The following VAT1L variants were observed in gnomAD, a reference collection of about 807,000 sequenced individuals.
VAT1L encodes vesicle amine transport 1 like.
In VAT1L, 34 loss-of-function variants were observed where a neutral mutation model predicts 44.1. The observed-to-expected ratio is 0.77, with a 90% confidence interval of 0.59 to 1.03. The LOEUF (loss-of-function observed/expected upper bound fraction) is 1.03, where lower values mean the gene tolerates loss of function less well. Among genes scored for constraint, VAT1L ranks in the 50% least tolerant of loss-of-function variants. The pLI is 0.00. For synonymous variants in VAT1L, 253 were observed against 202.2 expected (o/e 1.25, Z -2.13); for missense variants, 615 against 538.8 (o/e 1.14, Z -1.40).
chr16:77,879,330 C>T lies in VAT1L; in HGVS notation c.882+106C>T. On this transcript the variant is annotated intron_variant, in intron 6 of 8. Coordinates refer to ENST00000302536, the MANE Select transcript of VAT1L (RefSeq NM_020927.3). This position sits in a 1 kb window ranked among gnomAD's most constrained non-coding sequence, Gnocchi z 4.1. ...GTTTTGAGACAGCGTCTCGTTCTGTCACCAGGCTGGAGTGCAATGGCACGA... is the reference window on the plus strand; with the variant it reads ...GTTTTGAGACAGCGTCTCGTTCTGTTACCAGGCTGGAGTGCAATGGCACGA... 2 of 1,267,330 alleles carry T rather than the reference C, an allele frequency of 1.6e-6. No individual in the cohort carries two copies. The highest frequency in any genetic ancestry group is 2.5e-5 in the South Asian group (2 of 80,880). The allele number at this position is 1,267,330 out of a possible 1,614,324, so 78.5% of individuals were successfully genotyped here.
intron 7 of VAT1L, among the ~76,000 whole-genome samples, chr16:77,971,244 C>G (rs947190940): frequency 1.3e-5 from 2 of 152,092 alleles, no homozygotes; most frequent in African/African-American, 2.4e-5. Context: ...CAGAGGATCC[C>G]AGGAGACACC....
chr16:77,810,968 TC>T (rs2145227735), intron 1 of VAT1L, among the ~76,000 whole-genome samples: 1 of 152,338 alleles, frequency 6.6e-6, no homozygotes, highest in South Asian at 2.1e-4. Context: ...TTCTGAAGAT[TC>T]TTTGGCAGTC....
At chr16:77,912,087 GACAA>G (rs2017505255) in intron 7 of VAT1L, among the ~76,000 whole-genome samples, 1 of 152,130 alleles carries the variant, frequency 6.6e-6, no homozygotes, top group Non-Finnish European at 1.5e-5. Flanking sequence ...ATAGTAGAAA[GACAA>G]ACATTCAGTA....
intron 1 of VAT1L, among the ~76,000 whole-genome samples, chr16:77,799,546 TG>T: frequency 8.9e-6 from 1 of 112,826 alleles, no homozygotes; most frequent in African/African-American, 3.0e-5. Flanking sequence ...TGTGTGTGTG[TG>T]TGTGTGTGTG....
intron 2 of VAT1L, among the ~76,000 whole-genome samples, chr16:77,823,148 C>T (rs999463588): frequency 1.3e-5 from 2 of 151,958 alleles, no homozygotes; most frequent in African/African-American, 4.8e-5. Flanking sequence ...ACTGGCCAAC[C>T]TGGAAAATCC....
intron 7 of VAT1L, among the ~76,000 whole-genome samples, chr16:77,949,119 GAACA>G (rs931985732): frequency 3.3e-5 from 5 of 152,300 alleles, no homozygotes; most frequent in African/African-American, 1.2e-4. Context: ...GACCTTCAGA[GAACA>G]AACAGGAGGC....
Position 77,879,256 on chromosome 16 carries a change from G to T in VAT1L, c.882+32G>T, listed in dbSNP as rs747716792. 6.2e-7 allele frequency: 1 copy of T among 1,605,822 alleles called. No homozygotes were observed. The highest frequency in any genetic ancestry group is 8.5e-7 in the Non-Finnish European group (1 of 1,172,784). On this transcript the variant is annotated intron_variant, in intron 6 of 8. Coordinates refer to ENST00000302536, the MANE Select transcript of VAT1L (RefSeq NM_020927.3). The surrounding 1 kb of genome is among the most constrained non-coding windows in gnomAD (Gnocchi z 4.1). ...ATCCAGGCACATCTGATGTACTGTG[G>T]TGGCATGTTGATTCACATGTTGAGA... is the stretch of plus-strand genomic sequence containing the variant.
chr16:77,972,321 T>C (rs368301061), intron 8 of VAT1L, among the ~76,000 whole-genome samples: 8 of 151,966 alleles, frequency 5.3e-5, no homozygotes, highest in South Asian at 2.1e-4. Flanking sequence ...CAGATTTTTT[T>C]TTTCTTTCTT....
intron 1 of VAT1L, among the ~76,000 whole-genome samples, chr16:77,799,750 C>T (rs1377181715): frequency 6.6e-6 from 1 of 152,110 alleles, no homozygotes; most frequent in Non-Finnish European, 1.5e-5. Flanking sequence ...ATTCCCTCTC[C>T]TGTGATTGTA....
chr16:77,904,914 T>TACTAAATAGGTAAA (rs2017423607), intron 7 of VAT1L, among the ~76,000 whole-genome samples: 1 of 152,122 alleles, frequency 6.6e-6, no homozygotes, highest in South Asian at 2.1e-4. Flanking sequence ...CACCTACTAT[T>TACTAAATAGGTAAA]TACCAAGCCT....
rs548901594 is a variant in VAT1L at position 77,806,302 on chromosome 16, C to T, written c.234-10619C>T. ...TCGGCTCATTGCAAGCTCCGCCTCC[C>T]GGGTTGAAGCCATTCTCCTGCCTCA... On this transcript the variant is annotated intron_variant, in intron 1 of 8. Coordinates refer to ENST00000302536, the MANE Select transcript of VAT1L (RefSeq NM_020927.3). Among the ~76,000 whole-genome samples the T allele has an allele frequency of 8.3e-4, 126 of 151,698 alleles. No homozygotes were observed. The South Asian group carries it at 0.012, about 14-fold the overall frequency.
intron 7 of VAT1L, among the ~76,000 whole-genome samples, chr16:77,906,791 G>T (rs913405491): frequency 6.6e-6 from 1 of 152,192 alleles, no homozygotes; most frequent in Non-Finnish European, 1.5e-5. Context: ...AGCTACCTCT[G>T]GGTGAAGCAG....
chr16:77,966,468 G>A (rs1181751782), intron 7 of VAT1L, among the ~76,000 whole-genome samples: 1 of 152,224 alleles, frequency 6.6e-6, no homozygotes, highest in African/African-American at 2.4e-5. Flanking sequence ...GAGACACAGT[G>A]CAGAGAGCCC....
At chr16:77,926,636 C>T (rs983482342) in intron 7 of VAT1L, among the ~76,000 whole-genome samples, 3 of 152,078 alleles carry the variant, frequency 2.0e-5, no homozygotes, top group African/African-American at 7.2e-5. Context: ...TGATTAAGGA[C>T]ATGGAAGTGT....
intron 7 of VAT1L, among the ~76,000 whole-genome samples, chr16:77,900,202 C>T (rs1278998824): frequency 2.0e-5 from 3 of 152,220 alleles, no homozygotes; most frequent in African/African-American, 7.2e-5. Context: ...GTAATTTGCA[C>T]AAGGTAGTAG....
chr16:77,850,769 T>TC (rs2016801257), intron 3 of VAT1L, among the ~76,000 whole-genome samples: 1 of 152,142 alleles, frequency 6.6e-6, no homozygotes, highest in African/African-American at 2.4e-5. Context: ...GCAAATACAG[T>TC]CATCCAGGAA....
chr16:77,856,755 G>A (rs1164387692), intron 3 of VAT1L, among the ~76,000 whole-genome samples: 2 of 152,100 alleles, frequency 1.3e-5, no homozygotes, highest in Non-Finnish European at 1.5e-5. Context: ...CTGAGACAAA[G>A]CCATCCAAAG....
At chr16:77,965,268 G>C (rs1157683689) in intron 7 of VAT1L, among the ~76,000 whole-genome samples, 1 of 152,140 alleles carries the variant, frequency 6.6e-6, no homozygotes, top group Non-Finnish European at 1.5e-5. Flanking sequence ...GAGTAGTATA[G>C]ATATTATCAC....
In VAT1L at chr16:77,892,948, G is replaced by T. The variant is rs945548923; in HGVS notation, c.1077+8146G>T. The T allele has an allele frequency of 6.0e-6, 5 of 832,994 alleles. No homozygotes were observed. In the African/African-American group the frequency reaches 6.6e-5, roughly 11 times the overall value. 51.6% of individuals were successfully genotyped at this position (832,994 alleles called of 1,614,324 possible). On this transcript the variant is annotated intron_variant, in intron 7 of 8. Transcript: ENST00000302536. ...GACTTGTGTTTTATCTTAACCTCCAGACCATTCTATCTGTAGCTCAGGAGG... is the reference window on the plus strand; with the variant it reads ...GACTTGTGTTTTATCTTAACCTCCATACCATTCTATCTGTAGCTCAGGAGG...
Sources: allele counts gnomAD v4.1 joint callset (sites outside exome capture counted in the v4.1 genomes callset), GRCh38; gene constraint gnomAD v4.1.1; non-coding constraint Gnocchi (gnomAD v3.1); transcripts MANE v1.5; gene names NCBI Gene and HGNC (gene_info 2026-07-23, HGNC 2026-07-21).